Variants in PTPRK observed in about 807,000 individuals in gnomAD.
PTPRK encodes the protein receptor-type tyrosine-protein phosphatase kappa.
PTPRK carries 75 observed loss-of-function variants against 178.0 expected under a neutral mutation model. That is an observed-to-expected ratio of 0.42 (90% CI 0.35 to 0.51). PTPRK has a LOEUF of 0.51. PTPRK is among the 20% of genes least tolerant of loss of function. PTPRK has a pLI of 0.02. For synonymous variants in PTPRK, 637 were observed against 620.6 expected (o/e 1.03, Z -0.39); for missense variants, 1,441 against 1,797.8 (o/e 0.80, Z 3.59).
intron 3 of PTPRK, among the ~76,000 whole-genome samples, chr6:128,285,105 T>A (rs1379641166): frequency 1.3e-5 from 2 of 152,180 alleles, no homozygotes; most frequent in Admixed American, 1.3e-4. Flanking sequence ...CTTACCCAAA[T>A]TACACAAAAA....
rs910039621 is a variant in PTPRK at position 128,083,772 on chromosome 6, C to T, written c.1518G>A (p.Lys506=). ...AAGGTTCTTTCCAGTTCAAGAAGAT[C>T]TTATTTTCAAAGGATGTTCCTTGAA... ...KSLQGTSFEN[K]IFLNWKEPLD... is the part of the protein sequence containing the mutation. Residue 506 remains lysine, a synonymous_variant, in exon 9 of 30, where the codon AAG becomes AAA. Transcript: ENST00000368226. The T allele has an allele frequency of 8.7e-6, 14 of 1,607,000 alleles. No homozygotes were observed. Among genetic ancestry groups the T allele is most frequent in the Non-Finnish European group, 1.2e-5 (14 of 1,176,062 alleles).
At chr6:128,031,604 G>T (rs1029010702) in intron 13 of PTPRK, among the ~76,000 whole-genome samples, 6 of 152,018 alleles carry the variant, frequency 3.9e-5, no homozygotes, top group African/African-American at 1.4e-4. Flanking sequence ...AGTAACTAAT[G>T]AGTAAATGAC....
At chr6:128,035,346 A>G (rs902489588) in intron 13 of PTPRK, among the ~76,000 whole-genome samples, 4 of 150,444 alleles carry the variant, frequency 2.7e-5, no homozygotes, top group Non-Finnish European at 4.4e-5. Context: ...AGCCTGGGTG[A>G]CAAGAGTGAA....
chr6:128,013,027 A>G (rs1448461451), intron 13 of PTPRK, among the ~76,000 whole-genome samples: 4 of 151,384 alleles, frequency 2.6e-5, no homozygotes, highest in South Asian at 2.1e-4. Context: ...CCAAACCACC[A>G]TAACCAATGT....
intron 1 of PTPRK, among the ~76,000 whole-genome samples, chr6:128,466,145 A>G (rs553203302): frequency 8.5e-5 from 13 of 152,166 alleles, no homozygotes; most frequent in African/African-American, 3.1e-4. Context: ...AAATTACTAA[A>G]TGTTTTTTTC....
chr6:128,393,826 A>AT (rs1271954893), intron 2 of PTPRK, among the ~76,000 whole-genome samples: 1 of 152,008 alleles, frequency 6.6e-6, no homozygotes, highest in African/African-American at 2.4e-5. Flanking sequence ...ATTGGTTTTT[A>AT]TTTTTTTCAA....
intron 8 of PTPRK, among the ~76,000 whole-genome samples, chr6:128,086,819 GA>G (rs1246113614): frequency 2.0e-5 from 3 of 151,840 alleles, no homozygotes; most frequent in East Asian, 3.9e-4. Context: ...TAAACAAAAA[GA>G]AAAAATTACG....
chr6:128,309,573 A>G (rs1490247872), intron 3 of PTPRK, among the ~76,000 whole-genome samples: 1 of 152,182 alleles, frequency 6.6e-6, no homozygotes, highest in Non-Finnish European at 1.5e-5. Context: ...CACTGGAGTT[A>G]CTGCCGTCAA....
At chr6:128,014,362 G>A (rs1779367039) in intron 13 of PTPRK, among the ~76,000 whole-genome samples, 1 of 151,640 alleles carries the variant, frequency 6.6e-6, no homozygotes, top group African/African-American at 2.4e-5. Flanking sequence ...GATTGGATCA[G>A]CAAGACCCTG....
At chr6:128,512,322 A>T (rs544228216) in intron 1 of PTPRK, among the ~76,000 whole-genome samples, 1 of 152,360 alleles carries the variant, frequency 6.6e-6, no homozygotes, top group African/African-American at 2.4e-5. Context: ...TATCAAAAAT[A>T]TAGAGAACGT....
intron 1 of PTPRK, among the ~76,000 whole-genome samples, chr6:128,518,452 T>C (rs1282630204): frequency 6.6e-6 from 1 of 152,222 alleles, no homozygotes; most frequent in Non-Finnish European, 1.5e-5. Context: ...GCTGAAAATA[T>C]ATCCATCGCT....
chr6:127,988,300 C>CTTTTTTT (rs374249275), intron 21 of PTPRK, among the ~76,000 whole-genome samples: 3 of 117,668 alleles, frequency 2.5e-5, no homozygotes, highest in South Asian at 2.7e-4. Context: ...TTATGCTAAC[C>CTTTTTTT]TTTTTTTTTT....
chr6:128,253,403 A>G (rs1816799511), intron 3 of PTPRK, among the ~76,000 whole-genome samples: 1 of 152,208 alleles, frequency 6.6e-6, no homozygotes, highest in South Asian at 2.1e-4. Context: ...GAGTAGCAGA[A>G]AATTCATCAG....
intron 1 of PTPRK, among the ~76,000 whole-genome samples, chr6:128,414,281 A>T (rs923117254): frequency 1.1e-4 from 17 of 152,110 alleles, no homozygotes; most frequent in African/African-American, 3.9e-4. Flanking sequence ...CTCCTTTCAC[A>T]CCCCAGATTC....
chr6:128,469,856 G>T (rs1295110786), intron 1 of PTPRK, among the ~76,000 whole-genome samples: 1 of 152,012 alleles, frequency 6.6e-6, no homozygotes, highest in Non-Finnish European at 1.5e-5. Flanking sequence ...GAGAGAAAAA[G>T]GGCCATGAGC....
At chr6:128,252,665 G>C (rs1271946360) in intron 3 of PTPRK, among the ~76,000 whole-genome samples, 1 of 152,098 alleles carries the variant, frequency 6.6e-6, no homozygotes, top group African/African-American at 2.4e-5. Context: ...CTCAAGGTAA[G>C]ACAGAGACAC....
At chr6:128,455,142 G>A (rs562696889) in intron 1 of PTPRK, among the ~76,000 whole-genome samples, 108 of 152,050 alleles carry the variant, frequency 7.1e-4, no homozygotes, top group Non-Finnish European at 1.1e-3. Flanking sequence ...AAAACTTATT[G>A]TATACAAAAT....
intron 2 of PTPRK, among the ~76,000 whole-genome samples, chr6:128,336,192 TTTTTTTTTTTG>T (rs1214147891): frequency 0.06 from 51 of 848 alleles, no homozygotes; most frequent in Non-Finnish European, 0.44. Flanking sequence ...CAACAGTGTG[TTTTTTTTTTTG>T]TTTTTTTTTG....
chr6:128,444,314 C>T (rs1424395927), intron 1 of PTPRK, among the ~76,000 whole-genome samples: 1 of 152,156 alleles, frequency 6.6e-6, no homozygotes, highest in African/African-American at 2.4e-5. Flanking sequence ...TCCCCCGATT[C>T]CCATCCCCAG....
Sources: gnomAD v4.1 joint callset for allele counts (sites outside exome capture counted in the v4.1 genomes callset) on GRCh38, gnomAD v4.1.1 for gene constraint, MANE v1.5 for transcripts, NCBI Gene and HGNC (gene_info 2026-07-23, HGNC 2026-07-21) for gene names.